The following THRB variants were observed in gnomAD, a reference collection of about 807,000 sequenced individuals.
THRB encodes thyroid hormone receptor beta, also known as nuclear receptor subfamily 1 group A member 2.
A neutral mutation model predicts 47.8 loss-of-function variants in THRB; 12 were observed. The ratio of observed to expected loss-of-function variants is 0.25; its 90% CI spans 0.16 to 0.41. The LOEUF is 0.41. Ranked by LOEUF, THRB falls within the 10% of genes least tolerant of loss-of-function variation. THRB has a pLI of 1.00. For synonymous variants in THRB, 218 were observed against 212.2 expected (o/e 1.03, Z -0.24); for missense variants, 348 against 589.2 (o/e 0.59, Z 4.24).
chr3:24,203,540 C>T (rs1170827986), intron 4 of THRB, among the ~76,000 whole-genome samples: 1 of 152,176 alleles, frequency 6.6e-6, no homozygotes, highest in Non-Finnish European at 1.5e-5. Flanking sequence ...TCTCAGATGG[C>T]TGAATAGGAA....
intron 1 of THRB, among the ~76,000 whole-genome samples, chr3:24,409,207 G>A (rs951009640): frequency 4.6e-5 from 7 of 151,686 alleles, no homozygotes; most frequent in African/African-American, 1.5e-4. Context: ...AGATTTAAAC[G>A]CATGAAAACT....
chr3:24,258,288 G>A (rs748308016), intron 3 of THRB, among the ~76,000 whole-genome samples: 1 of 152,128 alleles, frequency 6.6e-6, no homozygotes, highest in Non-Finnish European at 1.5e-5. Flanking sequence ...GACAGGAAAA[G>A]GCCGAAGGGT....
At chr3:24,315,187 T>A (rs1170818831) in intron 2 of THRB, among the ~76,000 whole-genome samples, 1 of 152,160 alleles carries the variant, frequency 6.6e-6, no homozygotes, top group Non-Finnish European at 1.5e-5. Context: ...GACCCACACA[T>A]TAATTGCAAC....
chr3:24,334,974 C>T (rs9823395), intron 2 of THRB, among the ~76,000 whole-genome samples: 31,648 of 152,020 alleles, frequency 0.21, 3,296 homozygotes, highest in East Asian at 0.29. Flanking sequence ...TTCTCACTTA[C>T]GGAATTCTTT....
chr3:24,275,557 C>G (rs1048544755), intron 3 of THRB, among the ~76,000 whole-genome samples: 3 of 152,160 alleles, frequency 2.0e-5, no homozygotes, highest in African/African-American at 7.2e-5. Flanking sequence ...TTTGGAGAGC[C>G]ATGTTTTGCC....
chr3:24,199,273 A>G (rs771722505), intron 4 of THRB, among the ~76,000 whole-genome samples: 14 of 152,206 alleles, frequency 9.2e-5, no homozygotes, highest in Non-Finnish European at 1.9e-4. Flanking sequence ...TACATAAACT[A>G]TGCCTTCAGA....
chr3:24,165,603 A>G, intron 5 of THRB: 1 of 436,168 alleles, frequency 2.3e-6, no homozygotes, highest in Non-Finnish European at 4.1e-6. Flanking sequence ...CTGCCATCCA[A>G]ACATATTGGA....
Position 24,214,526 on chromosome 3 carries a change from A to G in THRB, c.22+14412T>C, listed in dbSNP as rs541714773. On this transcript the variant is annotated intron_variant, in intron 4 of 10. Transcript: ENST00000646209. The stretch of plus-strand genomic sequence containing the variant: ...GAGAGACAAGAAGGAGTCAAAGAGC[A>G]CCGAAGGTGCCGGTTTCCTCAGGCA... Among the ~76,000 whole-genome samples the G allele has an allele frequency of 6.6e-5, 10 of 152,350 alleles. No individual in the cohort carries two copies. In the South Asian group the frequency reaches 1.7e-3, roughly 25 times the overall value.
chr3:24,320,238 C>G (rs765188184), intron 2 of THRB, among the ~76,000 whole-genome samples: 5 of 152,144 alleles, frequency 3.3e-5, no homozygotes, highest in Admixed American at 2.6e-4. Context: ...ATACTTGAAG[C>G]CTGCTGTGTC....
chr3:24,455,754 A>T lies in THRB; in HGVS notation c.-261+38898T>A, dbSNP rs576065694. On this transcript the variant is annotated intron_variant, in intron 1 of 10. Coordinates refer to ENST00000646209, the MANE Select transcript of THRB (RefSeq NM_001354712.2). ...TTTTATTAATAGGCAGAGAAAAGAGAACTGTATTATAAGACTCAATGACAT... is the reference window on the plus strand; with the variant it reads ...TTTTATTAATAGGCAGAGAAAAGAGTACTGTATTATAAGACTCAATGACAT... Among the ~76,000 whole-genome samples, 7 of 152,272 alleles carry T rather than the reference A, an allele frequency of 4.6e-5. No homozygotes were observed. The East Asian group carries it at 1.4e-3, about 29-fold the overall frequency.
intron 1 of THRB, among the ~76,000 whole-genome samples, chr3:24,368,542 T>C (rs2149718098): frequency 6.6e-6 from 1 of 152,280 alleles, no homozygotes; most frequent in African/African-American, 2.4e-5. Flanking sequence ...GTTGAAGAAA[T>C]GTTGAAAATG....
intron 4 of THRB, among the ~76,000 whole-genome samples, chr3:24,204,663 G>A (rs977024970): frequency 6.6e-6 from 1 of 152,188 alleles, no homozygotes; most frequent in Admixed American, 6.5e-5. Flanking sequence ...GAATGACTCT[G>A]ACAAGTTGAG....
At chr3:24,130,970 C>T (rs1014249336) in intron 9 of THRB, among the ~76,000 whole-genome samples, 1 of 152,154 alleles carries the variant, frequency 6.6e-6, no homozygotes, top group African/African-American at 2.4e-5. Context: ...TATGTAAACG[C>T]TATGTCCTCC....
rs915767523 is a variant in THRB at position 24,297,957 on chromosome 3, C to A, written c.-188-586G>T. On this transcript the variant is annotated intron_variant, in intron 2 of 10. Transcript: ENST00000646209. ...AAAAAATACATATTTCTAGGCCCCA[C>A]CCCAGATCTACTCAATCACCATCTC... 1.9e-4 allele frequency among the ~76,000 whole-genome samples: 29 copies of A among 151,868 alleles called. 1 individual carries two copies. Among genetic ancestry groups the A allele is most frequent in the Middle Eastern group, 3.4e-3 (1 of 294 alleles).
At position 24,220,107 on chromosome 3, in the gene THRB, A is replaced by G. The variant is rs546278329; in HGVS notation, c.22+8831T>C. On this transcript the variant is annotated intron_variant, in intron 4 of 10. Transcript: ENST00000646209. ...TGGGTTGTACTTTAGAATTACCTGG[A>G]CAGTTTTAAAAGAATGCTGAGTCTT... Among the ~76,000 whole-genome samples, 10 of 152,296 alleles carry G rather than the reference A, an allele frequency of 6.6e-5. No individual in the cohort carries two copies. The South Asian group carries it at 1.7e-3, about 25-fold the overall frequency.
intron 3 of THRB, among the ~76,000 whole-genome samples, chr3:24,243,072 A>G (rs1020891156): frequency 1.4e-3 from 13 of 9,470 alleles, no homozygotes; most frequent in East Asian, 7.7e-3. Flanking sequence ...ACCTTTGAAA[A>G]AAAAAAAAAA....
At position 24,482,538 on chromosome 3, in the gene THRB, C is replaced by CCTCTCTCTCTCTCTCTCT. The variant is rs10575358; in HGVS notation, c.-261+12096_-261+12113dup. On this transcript the variant is annotated intron_variant, in intron 1 of 10. Transcript: ENST00000646209. The stretch of plus-strand genomic sequence containing the variant: ...TTCTTTCTTTCTTTCTTTCTGTCTC[C>CCTCTCTCTCTCTCTCTCT]CTCTCTCTCTCTCTCTCTCTCTCTC... Among the ~76,000 whole-genome samples the CCTCTCTCTCTCTCTCTCT allele has an allele frequency of 8.3e-4, 109 of 130,974 alleles. 1 individual carries two copies. The highest frequency in any genetic ancestry group is 3.2e-3 in the African/African-American group (106 of 33,502). 85.9% of individuals were successfully genotyped at this position (130,974 alleles called of 152,430 possible).
rs553534376 is a variant in THRB, at chr3:24,320,136, G to A, written c.-189+17164C>T. On this transcript the variant is annotated intron_variant, in intron 2 of 10. Coordinates refer to ENST00000646209, the MANE Select transcript of THRB (RefSeq NM_001354712.2). ...TAAAAGAATAATGCTAAAACCCTCC[G>A]AAGAGTGTAAGCATACTAAAACCAG... Among the ~76,000 whole-genome samples the A allele has an allele frequency of 4.6e-5, 7 of 152,244 alleles. No individual in the cohort carries two copies. In the East Asian group the frequency reaches 9.6e-4, roughly 21 times the overall value.
chr3:24,274,676 G>A (rs898798943), intron 3 of THRB, among the ~76,000 whole-genome samples: 1 of 151,858 alleles, frequency 6.6e-6, no homozygotes, highest in Non-Finnish European at 1.5e-5. Context: ...AATTTCACAG[G>A]TGTCTGCCTA....
Sources: allele counts gnomAD v4.1 joint callset (sites outside exome capture counted in the v4.1 genomes callset), GRCh38; gene constraint gnomAD v4.1.1; transcripts MANE v1.5; gene names NCBI Gene and HGNC (gene_info 2026-07-23, HGNC 2026-07-21).